Variants in HMGCLL1 observed in about 807,000 individuals in gnomAD.
HMGCLL1 encodes the protein 3-hydroxy-3-methylglutaryl-CoA lyase like 1.
In HMGCLL1, 36 loss-of-function variants were observed where a neutral mutation model predicts 39.1. That is an observed-to-expected ratio of 0.92 (90% confidence interval 0.71 to 1.22). The LOEUF is 1.22. Among genes scored for constraint, HMGCLL1 ranks in the 50% most tolerant of loss-of-function variants. The pLI, the probability that HMGCLL1 is intolerant of heterozygous loss-of-function variation, is 0.00. For synonymous variants in HMGCLL1, 149 were observed against 144.0 expected (o/e 1.03, Z -0.25); for missense variants, 451 against 416.5 (o/e 1.08, Z -0.72).
chr6:55,657,828 GTTC>G, the HMGCLL1 span, among the ~76,000 whole-genome samples: 18 of 151,914 alleles, frequency 1.2e-4, no homozygotes, highest in Admixed American at 2.0e-4. Flanking sequence ...GATACTACAT[GTTC>G]TAATTTATAA....
the HMGCLL1 span, among the ~76,000 whole-genome samples, chr6:55,675,283 T>G: frequency 6.6e-6 from 1 of 152,124 alleles, no homozygotes; most frequent in Non-Finnish European, 1.5e-5. Context: ...ACATATTTTA[T>G]CCAATCTATT....
chr6:55,618,218 G>A, the HMGCLL1 span, among the ~76,000 whole-genome samples: 1 of 151,868 alleles, frequency 6.6e-6, no homozygotes, highest in Admixed American at 6.6e-5. Flanking sequence ...GTCTGGTAAT[G>A]TTCTATTGCT....
chr6:55,469,866 T>C (rs1764971297), intron 7 of HMGCLL1, among the ~76,000 whole-genome samples: 1 of 151,918 alleles, frequency 6.6e-6, no homozygotes, highest in African/African-American at 2.4e-5. Flanking sequence ...TTCATATTTA[T>C]CATCATGAAG....
At chr6:55,627,106 G>A in the HMGCLL1 span, among the ~76,000 whole-genome samples, 1 of 149,604 alleles carries the variant, frequency 6.7e-6, no homozygotes, top group Non-Finnish European at 1.5e-5. Context: ...TGAAGGCAAA[G>A]GGAATACAGA....
At chr6:55,539,416 A>C (rs1769218541) in intron 3 of HMGCLL1, among the ~76,000 whole-genome samples, 1 of 152,184 alleles carries the variant, frequency 6.6e-6, no homozygotes, top group African/African-American at 2.4e-5. Context: ...ACTATTCACA[A>C]CAGTAAAGAC....
the HMGCLL1 span, among the ~76,000 whole-genome samples, chr6:55,617,450 C>G: frequency 6.6e-6 from 1 of 152,078 alleles, no homozygotes; most frequent in Non-Finnish European, 1.5e-5. Flanking sequence ...CTATAGACCA[C>G]TTTGTCACTT....
At chr6:55,631,845 G>A in the HMGCLL1 span, among the ~76,000 whole-genome samples, 1 of 151,946 alleles carries the variant, frequency 6.6e-6, no homozygotes, top group African/African-American at 2.4e-5. Context: ...TTCCCCCTTG[G>A]ATGTCAGGTA....
At chr6:55,645,209 T>C in the HMGCLL1 span, among the ~76,000 whole-genome samples, 3 of 152,024 alleles carry the variant, frequency 2.0e-5, no homozygotes, top group East Asian at 3.9e-4. Flanking sequence ...TGATCACCAT[T>C]GGCATATAGA....
At chr6:55,569,890 C>T (rs773960303) in intron 1 of HMGCLL1, among the ~76,000 whole-genome samples, 13 of 152,158 alleles carry the variant, frequency 8.5e-5, no homozygotes, top group Non-Finnish European at 1.6e-4. Flanking sequence ...CATTTCCCTT[C>T]AGGAATCAAA....
chr6:55,446,500 T>C (rs1178105341), intron 7 of HMGCLL1, among the ~76,000 whole-genome samples: 1 of 151,840 alleles, frequency 6.6e-6, no homozygotes, highest in Non-Finnish European at 1.5e-5. Flanking sequence ...GCATATGTGC[T>C]TGGACCTAAG....
At chr6:55,660,384 A>G in the HMGCLL1 span, among the ~76,000 whole-genome samples, 1 of 151,578 alleles carries the variant, frequency 6.6e-6, no homozygotes, top group Non-Finnish European at 1.5e-5. Context: ...TCCACTCGCA[A>G]TTAGCCCTGG....
upstream of HMGCLL1, among the ~76,000 whole-genome samples, chr6:55,583,426 A>G (rs1022561402): frequency 4.0e-5 from 6 of 150,276 alleles, no homozygotes; most frequent in Non-Finnish European, 5.9e-5. Flanking sequence ...ATTCCCATCT[A>G]TGAGTGAGAA....
chr6:55,577,955 A>G (rs1771839346), intron 1 of HMGCLL1, among the ~76,000 whole-genome samples: 1 of 152,240 alleles, frequency 6.6e-6, no homozygotes, highest in Non-Finnish European at 1.5e-5. Flanking sequence ...CTGAATTCCA[A>G]TTTGTAAAGA....
the HMGCLL1 span, among the ~76,000 whole-genome samples, chr6:55,598,802 A>G: frequency 6.6e-6 from 1 of 152,220 alleles, no homozygotes; most frequent in Non-Finnish European, 1.5e-5. Flanking sequence ...TGTAAAACTA[A>G]CAAATGAACT....
At chr6:55,449,747 T>C (rs1764000390) in intron 7 of HMGCLL1, among the ~76,000 whole-genome samples, 1 of 152,182 alleles carries the variant, frequency 6.6e-6, no homozygotes, top group South Asian at 2.1e-4. Context: ...TGTTTAGTAG[T>C]TGTCATCTCA....
chr6:55,446,954 A>G (rs1404426809), intron 7 of HMGCLL1, among the ~76,000 whole-genome samples: 1 of 152,024 alleles, frequency 6.6e-6, no homozygotes, highest in African/African-American at 2.4e-5. Flanking sequence ...GTAATGTTAG[A>G]TTTAATTTAA....
chr6:55,482,965 A>G (rs965890151), intron 7 of HMGCLL1, among the ~76,000 whole-genome samples: 1 of 152,146 alleles, frequency 6.6e-6, no homozygotes, highest in Non-Finnish European at 1.5e-5. Context: ...AACTCAAGGA[A>G]GATACAGTTC....
chr6:55,614,825 A>G, the HMGCLL1 span, among the ~76,000 whole-genome samples: 2 of 152,304 alleles, frequency 1.3e-5, no homozygotes, highest in Admixed American at 1.3e-4. Flanking sequence ...AGCAACAGCA[A>G]CAATATTCTG....
chr6:55,566,811 A>C (rs1453197956), intron 1 of HMGCLL1, among the ~76,000 whole-genome samples: 1 of 152,178 alleles, frequency 6.6e-6, no homozygotes, highest in Non-Finnish European at 1.5e-5. Context: ...ATTTAAAAGT[A>C]GGCATTATAG....
Sources: allele counts gnomAD v4.1 joint callset (sites outside exome capture counted in the v4.1 genomes callset), GRCh38; gene constraint gnomAD v4.1.1; transcripts MANE v1.5; gene names NCBI Gene and HGNC (gene_info 2026-07-23, HGNC 2026-07-21).